ADGRG2: variants seen among roughly 807,000 people sequenced by gnomAD.
ADGRG2 encodes adhesion G protein-coupled receptor G2.
Under a neutral mutation model 74.1 loss-of-function variants are expected in ADGRG2, and 26 were observed. The ratio of observed to expected loss-of-function variants is 0.35; its 90% CI spans 0.26 to 0.49. The LOEUF is 0.49. Ranked by LOEUF, ADGRG2 falls within the 20% of genes least tolerant of loss-of-function variation. The probability of loss-of-function intolerance (pLI) is 0.99; values close to 1 mark genes in which losing one functional copy is unlikely to be tolerated. For missense variants in ADGRG2, 619 were observed against 763.1 expected, an observed-to-expected ratio of 0.81 and a Z score of 2.22; for synonymous variants, 296 against 295.2, an observed-to-expected ratio of 1.00 and a Z score of -0.03.
chrX:19,046,574 G>C (rs1050031976), intron 3 of ADGRG2, among the ~76,000 whole-genome samples: 5 of 112,608 alleles, frequency 4.4e-5, no homozygotes, highest in African/African-American at 1.6e-4. Flanking sequence ...CCGTCAGTCA[G>C]AGATCAGTTG....
intron 1 of ADGRG2, among the ~76,000 whole-genome samples, chrX:19,104,380 C>G (rs992829565): frequency 1.8e-5 from 2 of 111,108 alleles, no homozygotes; most frequent in African/African-American, 3.3e-5. Context: ...TCCAGAAAAT[C>G]AACTCTGTTG....
intron 1 of ADGRG2, among the ~76,000 whole-genome samples, chrX:19,100,359 G>A (rs1345658218): frequency 8.8e-6 from 1 of 113,305 alleles, no homozygotes; most frequent in Non-Finnish European, 1.9e-5. Flanking sequence ...CCATTGCAAT[G>A]ACTGAACTCT....
At chrX:19,060,776 G>C (rs766347303) in intron 3 of ADGRG2, among the ~76,000 whole-genome samples, 2 of 110,849 alleles carry the variant, frequency 1.8e-5, no homozygotes, top group East Asian at 5.7e-4. Flanking sequence ...TCAAACTCCT[G>C]ACCTCAAATG....
At chrX:19,008,201 G>T in intron 18 of ADGRG2, 78 bp from the exon 19 acceptor site, 2 of 747,433 alleles carry the variant, frequency 2.7e-6, no homozygotes, top group Non-Finnish European at 3.8e-6. Context: ...TTAAGTTGGT[G>T]CAAAAGTAAT....
At chrX:19,004,164 C>G (rs1439364697) in intron 23 of ADGRG2, among the ~76,000 whole-genome samples, 1 of 111,932 alleles carries the variant, frequency 8.9e-6, no homozygotes, top group Non-Finnish European at 1.9e-5. Flanking sequence ...TAAAAATGCC[C>G]ATGTCCTTCT....
intron 2 of ADGRG2, among the ~76,000 whole-genome samples, chrX:19,080,175 G>C (rs1054820524): frequency 3.6e-5 from 4 of 110,594 alleles, no homozygotes; most frequent in African/African-American, 1.3e-4. Flanking sequence ...CTCCCAAAGT[G>C]CTGGGATTCT....
At chrX:19,060,259 T>G (rs966209403) in intron 3 of ADGRG2, among the ~76,000 whole-genome samples, 9 of 112,915 alleles carry the variant, frequency 8.0e-5, no homozygotes, top group African/African-American at 2.9e-4. Context: ...CTTCTAGAGC[T>G]TTTATCCATT....
At position 19,046,515 on chromosome X, in the gene ADGRG2, G is replaced by A. The variant is rs765239143; in HGVS notation, c.119-6291C>T. Reference sequence around the variant, plus strand: ...CTAGTCCAGTGTCTTGTTTGTGGTTGATGTCCTAAAATATTTTTGCAATGA... The same window carrying A: ...CTAGTCCAGTGTCTTGTTTGTGGTTAATGTCCTAAAATATTTTTGCAATGA... On this transcript the variant is annotated intron_variant, in intron 3 of 28. Coordinates refer to ENST00000379869, the MANE Select transcript of ADGRG2 (RefSeq NM_001079858.3). 1.2e-4 allele frequency among the ~76,000 whole-genome samples: 13 copies of A among 112,647 alleles called. No individual in the cohort carries two copies. The South Asian group carries it at 3.3e-3, about 28-fold the overall frequency.
intron 22 of ADGRG2, among the ~76,000 whole-genome samples, chrX:19,005,753 A>G (rs1601863164): frequency 2.7e-5 from 3 of 111,492 alleles, no homozygotes; most frequent in African/African-American, 9.8e-5. Context: ...GGGTTTCGCC[A>G]TGTTGGCCAG....
chrX:19,081,843 A>G (rs772775628), intron 2 of ADGRG2, among the ~76,000 whole-genome samples: 39 of 110,437 alleles, frequency 3.5e-4, no homozygotes, highest in Admixed American at 5.8e-4. Flanking sequence ...GGGAGGCTGA[A>G]GCAGGAGGAT....
intron 1 of ADGRG2, among the ~76,000 whole-genome samples, chrX:19,120,655 T>A (rs964613107): frequency 9.0e-6 from 1 of 111,549 alleles, no homozygotes; most frequent in Non-Finnish European, 1.9e-5. Flanking sequence ...ACTATTAGGA[T>A]CAGCTACATA....
In ADGRG2 at chrX:19,023,408, T is replaced by C; in HGVS notation, c.548+8A>G. ...ATTATATTTATGAAAGTATTAAAAA[T>C]GACTGACCTTTGGGCCTCTGCTGTA... On this transcript the variant is annotated splice_region_variant and intron_variant, in intron 13 of 28. Coordinates refer to ENST00000379869, the MANE Select transcript of ADGRG2 (RefSeq NM_001079858.3). 2.8e-6 allele frequency: 3 copies of C among 1,076,547 alleles called. No homozygotes were observed. The highest frequency in any genetic ancestry group is 3.8e-6 in the Non-Finnish European group (3 of 790,500). 88.7% of individuals were successfully genotyped at this position (1,076,547 alleles called of 1,213,427 possible).
At chrX:19,114,007 G>T (rs1467987511) in intron 1 of ADGRG2, among the ~76,000 whole-genome samples, 1 of 105,870 alleles carries the variant, frequency 9.4e-6, no homozygotes, top group Non-Finnish European at 1.9e-5. Flanking sequence ...GGGAGGCAGA[G>T]GTTGCAGTGA....
intron 3 of ADGRG2, among the ~76,000 whole-genome samples, chrX:19,066,652 C>T (rs1051210375): frequency 4.6e-5 from 5 of 108,771 alleles, no homozygotes; most frequent in African/African-American, 1.7e-4. Context: ...TTTGTAGAGA[C>T]GGGGTCTCAC....
chrX:19,097,945 G>C (rs928038786), intron 1 of ADGRG2, among the ~76,000 whole-genome samples: 1 of 112,840 alleles, frequency 8.9e-6, no homozygotes, highest in Non-Finnish European at 1.9e-5. Context: ...GTTTTAAAGA[G>C]AGCTATAAAG....
At chrX:18,996,568 C>T (rs1264794432) in intron 26 of ADGRG2, among the ~76,000 whole-genome samples, 1 of 109,423 alleles carries the variant, frequency 9.1e-6, no homozygotes, top group Non-Finnish European at 1.9e-5. Flanking sequence ...CTCCTCCACA[C>T]ATCTTTCCCT....
chrX:19,032,226 G>A (rs2060839894), intron 8 of ADGRG2: 1 of 111,448 alleles, frequency 9.0e-6, no homozygotes, highest in South Asian at 3.7e-4. Context: ...GATTTTGTGA[G>A]CAAATTAAAT....
chrX:19,079,480 C>T (rs933835145), intron 2 of ADGRG2, among the ~76,000 whole-genome samples: 3 of 112,180 alleles, frequency 2.7e-5, no homozygotes, highest in African/African-American at 9.7e-5. Context: ...AAGATAAGGT[C>T]ACCAAGAACT....
At chrX:18,994,217 C>T (rs1483143523) in intron 28 of ADGRG2, among the ~76,000 whole-genome samples, 9 of 112,039 alleles carry the variant, frequency 8.0e-5, no homozygotes, top group Non-Finnish European at 1.7e-4. Flanking sequence ...TGGCTGGGCG[C>T]GGTGGCTCAC....
Sources: allele counts gnomAD v4.1 joint callset (sites outside exome capture counted in the v4.1 genomes callset), GRCh38; gene constraint gnomAD v4.1.1; transcripts MANE v1.5; gene names NCBI Gene and HGNC (gene_info 2026-07-23, HGNC 2026-07-21).